PLCL1: variants seen among roughly 807,000 people sequenced by gnomAD.
PLCL1 encodes the protein phospholipase C like 1 (inactive), also known as inactive phospholipase C-like protein 1.
Under a neutral mutation model 84.4 loss-of-function variants are expected in PLCL1, and 41 were observed. The observed-to-expected ratio is 0.49, with a 90% CI of 0.38 to 0.63. The LOEUF (loss-of-function observed/expected upper bound fraction) is 0.63, where lower values mean the gene tolerates loss of function less well. Ranked by LOEUF, PLCL1 falls within the 30% of genes least tolerant of loss-of-function variation. The probability of loss-of-function intolerance (pLI) is 0.00; values close to 1 mark genes in which losing one functional copy is unlikely to be tolerated. For missense variants in PLCL1, 1,206 were observed against 1,367.8 expected (o/e 0.88, Z 1.87); for synonymous variants, 490 against 488.3 (o/e 1.00, Z -0.05).
chr2:198,147,980 G>A lies in PLCL1; in HGVS notation c.*1018G>A, dbSNP rs910200489. The A allele has an allele frequency of 2.0e-5, 3 of 152,154 alleles. No homozygotes were observed. The highest frequency in any genetic ancestry group is 4.4e-5 in the Non-Finnish European group (3 of 67,984). 9.4% of individuals were successfully genotyped at this position (152,154 alleles called of 1,614,324 possible). Reference sequence around the variant, plus strand: ...GAGCTGATATAAATTCTGTGGGTCCGATAATATCTTTGTGATAATTTAAGA... The same window carrying A: ...GAGCTGATATAAATTCTGTGGGTCCAATAATATCTTTGTGATAATTTAAGA... On this transcript the variant is annotated 3_prime_UTR_variant, in exon 6 of 6. Coordinates refer to ENST00000428675, the MANE Select transcript of PLCL1 (RefSeq NM_006226.4).
intron 3 of PLCL1, among the ~76,000 whole-genome samples, chr2:198,094,222 C>A (rs550740634): frequency 1.3e-5 from 2 of 152,064 alleles, no homozygotes; most frequent in Non-Finnish European, 2.9e-5. Flanking sequence ...CCACCATGCC[C>A]AGCTAATTTT....
intron 1 of PLCL1, among the ~76,000 whole-genome samples, chr2:197,926,484 T>C (rs1688832590): frequency 6.6e-6 from 1 of 152,198 alleles, no homozygotes; most frequent in Admixed American, 6.5e-5. Flanking sequence ...TCCCATTTTT[T>C]GTTATGAGCT....
chr2:198,039,596 C>G lies in PLCL1; in HGVS notation c.241-44162C>G, dbSNP rs777628197. On this transcript the variant is annotated intron_variant, in intron 1 of 5. Transcript: ENST00000428675. Reference sequence around the variant, plus strand: ...AGTTGAACACTTCTTGAGCCTCCTTCTTGGAGATTCTCAGGTTTCTGATCA... The same window carrying G: ...AGTTGAACACTTCTTGAGCCTCCTTGTTGGAGATTCTCAGGTTTCTGATCA... Among the ~76,000 whole-genome samples the G allele has an allele frequency of 2.6e-5, 4 of 152,172 alleles. 1 individual carries two copies. The South Asian group carries it at 8.3e-4, about 31-fold the overall frequency.
At chr2:198,079,801 A>C (rs1294738445) in intron 1 of PLCL1, among the ~76,000 whole-genome samples, 1 of 152,224 alleles carries the variant, frequency 6.6e-6, no homozygotes, top group African/African-American at 2.4e-5. Flanking sequence ...AGACTTATGC[A>C]TAGAATATTA....
intron 1 of PLCL1, among the ~76,000 whole-genome samples, chr2:197,995,715 A>C (rs1690447090): frequency 6.6e-6 from 1 of 152,142 alleles, no homozygotes; most frequent in African/African-American, 2.4e-5. Flanking sequence ...GGAGGCATAC[A>C]TTTTAAATTC....
At chr2:197,806,074 G>C (rs953119059) in intron 1 of PLCL1, among the ~76,000 whole-genome samples, 2 of 152,126 alleles carry the variant, frequency 1.3e-5, no homozygotes, top group Non-Finnish European at 2.9e-5. Context: ...CCTTCCACTT[G>C]GGGCTTGTTT....
At chr2:197,883,858 G>A (rs1687872791) in intron 1 of PLCL1, among the ~76,000 whole-genome samples, 1 of 152,152 alleles carries the variant, frequency 6.6e-6, no homozygotes, top group African/African-American at 2.4e-5. Context: ...ACTTGTCCTA[G>A]ATAGGATTTT....
At chr2:198,001,899 C>A in intron 1 of PLCL1, 1 of 391,818 alleles carries the variant, frequency 2.6e-6, no homozygotes, top group Non-Finnish European at 5.1e-6. Context: ...GTTACGTGTT[C>A]CTTATAAGAA....
chr2:198,097,757 T>G (rs1180229804), intron 3 of PLCL1, among the ~76,000 whole-genome samples: 1 of 152,172 alleles, frequency 6.6e-6, no homozygotes, highest in Non-Finnish European at 1.5e-5. Context: ...CCATTACAAA[T>G]CAGGCTTGCA....
At chr2:198,077,967 C>A (rs565586408) in intron 1 of PLCL1, among the ~76,000 whole-genome samples, 79 of 152,250 alleles carry the variant, frequency 5.2e-4, no homozygotes, top group African/African-American at 1.9e-3. Flanking sequence ...CCTACCTAAT[C>A]CCTTCATCCT....
rs79308692 is a variant in PLCL1, at chr2:197,875,507, T to C, written c.240+70168T>C. On this transcript the variant is annotated intron_variant, in intron 1 of 5. Transcript: ENST00000428675. ...TTGACCTGGTTGATGGCTAGTAAGGTGCACTCGCTTTTAAAAAGACCGCAT... is the reference window on the plus strand; with the variant it reads ...TTGACCTGGTTGATGGCTAGTAAGGCGCACTCGCTTTTAAAAAGACCGCAT... Among the ~76,000 whole-genome samples, 904 of 152,206 alleles carry C rather than the reference T, an allele frequency of 5.9e-3. 10 individuals are homozygous for C. Among genetic ancestry groups the C allele is most frequent in the African/African-American group, 0.021 (864 of 41,534 alleles).
intron 3 of PLCL1, among the ~76,000 whole-genome samples, chr2:198,097,953 A>C (rs1693242071): frequency 6.6e-6 from 1 of 152,202 alleles, no homozygotes; most frequent in African/African-American, 2.4e-5. Flanking sequence ...TATTTGTTTC[A>C]TTTTAAATAT....
intron 1 of PLCL1, among the ~76,000 whole-genome samples, chr2:197,995,819 T>A (rs1325757296): frequency 6.6e-6 from 1 of 152,186 alleles, no homozygotes; most frequent in Non-Finnish European, 1.5e-5. Flanking sequence ...TTTGGCTCTG[T>A]CTTTTGCTTG....
intron 1 of PLCL1, among the ~76,000 whole-genome samples, chr2:198,057,269 G>T (rs1354461445): frequency 6.6e-6 from 1 of 152,068 alleles, no homozygotes; most frequent in Non-Finnish European, 1.5e-5. Context: ...GCAGTCTGGG[G>T]AACGAGGCAT....
intron 3 of PLCL1, among the ~76,000 whole-genome samples, chr2:198,097,799 T>G: frequency 6.6e-6 from 1 of 152,186 alleles, no homozygotes; most frequent in East Asian, 1.9e-4. Context: ...GACAGAGAGC[T>G]CTGTTGCATA....
At chr2:198,104,134 C>T (rs113297921) in intron 5 of PLCL1, among the ~76,000 whole-genome samples, 198 bp downstream of exon 5, 1 of 151,800 alleles carries the variant, frequency 6.6e-6, no homozygotes, top group African/African-American at 2.4e-5. Context: ...TATTTTGTCA[C>T]CCAAGTAATA....
chr2:198,025,662 T>C (rs1193789521), intron 1 of PLCL1, among the ~76,000 whole-genome samples: 1 of 152,164 alleles, frequency 6.6e-6, no homozygotes, highest in Non-Finnish European at 1.5e-5. Context: ...TATATCATTT[T>C]ATAAACTAAA....
At chr2:198,081,873 T>G (rs1692722062) in intron 1 of PLCL1, among the ~76,000 whole-genome samples, 1 of 152,214 alleles carries the variant, frequency 6.6e-6, no homozygotes, top group Non-Finnish European at 1.5e-5. Context: ...TATTTTACCC[T>G]GTTTTAAAAT....
chr2:198,051,804 G>A (rs931930686), intron 1 of PLCL1, among the ~76,000 whole-genome samples: 2 of 151,504 alleles, frequency 1.3e-5, no homozygotes, highest in South Asian at 2.1e-4. Flanking sequence ...GCGCGATCTC[G>A]GCTCACTGCA....
Sources: gnomAD v4.1 joint callset for allele counts (sites outside exome capture counted in the v4.1 genomes callset) on GRCh38, gnomAD v4.1.1 for gene constraint, MANE v1.5 for transcripts, NCBI Gene and HGNC (gene_info 2026-07-23, HGNC 2026-07-21) for gene names.